The following KCNMA1 variants were observed in gnomAD, a reference collection of about 807,000 sequenced individuals.
KCNMA1 encodes Calcium-activated potassium channel subunit alpha-1.
A neutral mutation model predicts 140.0 loss-of-function variants in KCNMA1; 29 were observed. The ratio of observed to expected loss-of-function variants is 0.21; its 90% CI spans 0.15 to 0.28. The LOEUF (loss-of-function observed/expected upper bound fraction) is 0.28. KCNMA1 is among the 10% of genes least tolerant of loss of function. The probability of loss-of-function intolerance (pLI) is 1.00; values close to 1 mark genes in which losing one functional copy is unlikely to be tolerated. For synonymous variants in KCNMA1, 612 were observed against 611.9 expected (o/e 1.00, Z 0.00); for missense variants, 880 against 1,602.2 (o/e 0.55, Z 7.70).
At chr10:77,504,308 G>T (rs1274492742) in intron 1 of KCNMA1, among the ~76,000 whole-genome samples, 1 of 152,156 alleles carries the variant, frequency 6.6e-6, no homozygotes, top group Non-Finnish European at 1.5e-5. Context: ...CAGCTGGCAG[G>T]ATTGGAACCC....
intron 21 of KCNMA1, 64 bp from the exon 22 acceptor site, chr10:76,949,430 A>C: frequency 7.7e-7 from 1 of 1,298,116 alleles, no homozygotes; most frequent in South Asian, 1.2e-5. Context: ...GTAAGGAGTG[A>C]AATAAATCAT....
At chr10:76,917,662 G>T (rs1218692099) in intron 23 of KCNMA1, among the ~76,000 whole-genome samples, 2 of 152,004 alleles carry the variant, frequency 1.3e-5, no homozygotes, top group Non-Finnish European at 2.9e-5. Flanking sequence ...CCCTATGCAT[G>T]ACTCCCCAAA....
At chr10:77,183,571 G>A in intron 4 of KCNMA1, 39 bp from the exon 5 acceptor site, 1 of 1,386,548 alleles carries the variant, frequency 7.2e-7, no homozygotes, top group Admixed American at 1.8e-5. Flanking sequence ...AAAAACATGA[G>A]AAGCATGGTG....
intron 1 of KCNMA1, among the ~76,000 whole-genome samples, chr10:77,588,991 A>T (rs2078162420): frequency 1.3e-5 from 2 of 152,240 alleles, no homozygotes; most frequent in South Asian, 4.1e-4. Flanking sequence ...TGTGCAGGCC[A>T]GTTAGTCTCT....
At chr10:76,880,503 C>T (rs2034194912), downstream of KCNMA1, among the ~76,000 whole-genome samples, 2 of 152,116 alleles carry the variant, frequency 1.3e-5, no homozygotes, top group South Asian at 4.2e-4. Flanking sequence ...GTAGGATGTT[C>T]AGGAAACGGA....
chr10:77,535,145 T>C (rs895606415), intron 1 of KCNMA1, among the ~76,000 whole-genome samples: 1 of 152,180 alleles, frequency 6.6e-6, no homozygotes, highest in Non-Finnish European at 1.5e-5. Context: ...CACACTCCAG[T>C]AGCAACCACA....
chr10:77,487,839 G>A (rs1418899876), intron 1 of KCNMA1, among the ~76,000 whole-genome samples: 3 of 152,160 alleles, frequency 2.0e-5, no homozygotes, highest in Non-Finnish European at 4.4e-5. Flanking sequence ...CTGGGGATGT[G>A]TAAGAAATGC....
chr10:77,129,459 A>G (rs1255633849), intron 5 of KCNMA1, among the ~76,000 whole-genome samples: 2 of 152,200 alleles, frequency 1.3e-5, no homozygotes, highest in African/African-American at 4.8e-5. Context: ...TAATCCGAGT[A>G]ATCACTTGAG....
intron 16 of KCNMA1, among the ~76,000 whole-genome samples, chr10:77,023,190 T>C (rs1013086496): frequency 2.0e-5 from 3 of 152,180 alleles, no homozygotes; most frequent in African/African-American, 7.2e-5. Context: ...TGCATTCCTT[T>C]CTCCACCACT....
At chr10:77,245,347 AC>A (rs1414660088) in intron 3 of KCNMA1, among the ~76,000 whole-genome samples, 2 of 152,170 alleles carry the variant, frequency 1.3e-5, no homozygotes, top group African/African-American at 4.8e-5. Context: ...GCTGGTATAC[AC>A]AGTCCTTTAC....
intron 3 of KCNMA1, among the ~76,000 whole-genome samples, chr10:77,235,114 G>C (rs2054955468): frequency 1.3e-5 from 2 of 152,184 alleles, no homozygotes; most frequent in Admixed American, 1.3e-4. Flanking sequence ...ACTGAAGCCT[G>C]TTCTTTTCTT....
chr10:77,403,988 C>A lies in KCNMA1; in HGVS notation c.414G>T (p.Ala138=), dbSNP rs61736948. 4 of 1,614,030 alleles carry A rather than the reference C, an allele frequency of 2.5e-6. No homozygotes were observed. Residue 138 remains alanine, a synonymous_variant, in exon 2 of 28, where the codon GCG becomes GCT. Coordinates refer to ENST00000286628, the MANE Select transcript of KCNMA1 (RefSeq NM_001161352.2). ...AQKINNGSSQ[A]DGTLKPVDEK... Reference sequence around the variant, plus strand: ...CATCCACTGGTTTGAGAGTGCCATCCGCCTGGCTTGAGCCATTGTTAATCT... The same window carrying A: ...CATCCACTGGTTTGAGAGTGCCATCAGCCTGGCTTGAGCCATTGTTAATCT...
chr10:77,518,502 C>T (rs758974463), intron 1 of KCNMA1, among the ~76,000 whole-genome samples: 2 of 152,242 alleles, frequency 1.3e-5, no homozygotes, highest in African/African-American at 2.4e-5. Context: ...AGTATGAATC[C>T]GTCACTTCTC....
intron 14 of KCNMA1, among the ~76,000 whole-genome samples, chr10:77,040,896 T>C (rs1372311431): frequency 3.9e-5 from 6 of 152,184 alleles, no homozygotes; most frequent in African/African-American, 1.2e-4. Context: ...AAAATATGCA[T>C]TTTTTCTAAG....
chr10:77,033,870 T>G (rs1007348500), intron 15 of KCNMA1, among the ~76,000 whole-genome samples: 1 of 152,178 alleles, frequency 6.6e-6, no homozygotes, highest in Non-Finnish European at 1.5e-5. Flanking sequence ...TCTATTCATA[T>G]ATGTTCAACC....
At chr10:77,636,836 C>T (rs1212259051) in intron 1 of KCNMA1, 8 of 1,432,160 alleles carry the variant, frequency 5.6e-6, no homozygotes, top group Non-Finnish European at 7.3e-6. Context: ...CGGATGTGCT[C>T]CCTCTCGCCC....
At chr10:77,030,452 A>C (rs552053843) in intron 15 of KCNMA1, among the ~76,000 whole-genome samples, 1 of 152,330 alleles carries the variant, frequency 6.6e-6, no homozygotes, top group Non-Finnish European at 1.5e-5. Context: ...ATAGTAGCTA[A>C]ATACAAAAAC....
chr10:77,360,661 T>C (rs1173429055), intron 2 of KCNMA1, among the ~76,000 whole-genome samples: 2 of 152,242 alleles, frequency 1.3e-5, no homozygotes, highest in African/African-American at 4.8e-5. Context: ...CTTCTTCTCA[T>C]CTTCCCATTC....
intron 2 of KCNMA1, among the ~76,000 whole-genome samples, chr10:77,393,992 T>G (rs1325525643): frequency 6.6e-6 from 1 of 151,452 alleles, no homozygotes; most frequent in East Asian, 1.9e-4. Flanking sequence ...CTCAGTTCTG[T>G]ATACTAGGGA....
Sources: gnomAD v4.1 joint callset for allele counts (sites outside exome capture counted in the v4.1 genomes callset) on GRCh38, gnomAD v4.1.1 for gene constraint, MANE v1.5 for transcripts, NCBI Gene and HGNC (gene_info 2026-07-23, HGNC 2026-07-21) for gene names.